The following TDRD3 variants were observed in gnomAD, a reference collection of about 807,000 sequenced individuals.
TDRD3 encodes the protein tudor domain-containing protein 3.
Under a neutral mutation model 86.7 loss-of-function variants are expected in TDRD3, and 45 were observed. The ratio of observed to expected loss-of-function variants is 0.52; its 90% CI spans 0.41 to 0.67. The LOEUF is 0.67. Ranked by LOEUF, TDRD3 falls within the 30% of genes least tolerant of loss-of-function variation. The pLI is 0.00. For synonymous variants in TDRD3, 298 were observed against 301.7 expected (o/e 0.99, Z 0.13); for missense variants, 814 against 889.0 (o/e 0.92, Z 1.07).
At chr13:60,400,227 C>T (rs1317743980) in intron 1 of TDRD3, among the ~76,000 whole-genome samples, 1 of 152,200 alleles carries the variant, frequency 6.6e-6, no homozygotes, top group Non-Finnish European at 1.5e-5. Flanking sequence ...CAATTTTACT[C>T]ACTCTGCATT....
chr13:60,463,378 A>C (rs1489952794), intron 4 of TDRD3, among the ~76,000 whole-genome samples: 2 of 151,652 alleles, frequency 1.3e-5, no homozygotes, highest in African/African-American at 2.4e-5. Context: ...AAAAAAAAAA[A>C]AAAAGATAAG....
At chr13:60,433,410 T>A (rs896238933) in intron 1 of TDRD3, among the ~76,000 whole-genome samples, 3 of 152,210 alleles carry the variant, frequency 2.0e-5, no homozygotes, top group African/African-American at 7.2e-5. Flanking sequence ...TACTTTTTAG[T>A]GTGATGTAAA....
chr13:60,454,279 G>C (rs560586935), intron 3 of TDRD3, among the ~76,000 whole-genome samples: 21 of 152,198 alleles, frequency 1.4e-4, no homozygotes, highest in African/African-American at 4.8e-4. Context: ...GAAGATACTT[G>C]TTCCTATTGG....
chr13:60,559,464 A>C (rs1023281967), intron 12 of TDRD3, among the ~76,000 whole-genome samples: 7 of 152,174 alleles, frequency 4.6e-5, no homozygotes, highest in African/African-American at 1.7e-4. Context: ...TGGGTTTCAG[A>C]GAGGTACACA....
chr13:60,486,207 C>CT (rs976019602), intron 7 of TDRD3, among the ~76,000 whole-genome samples: 8 of 151,824 alleles, frequency 5.3e-5, no homozygotes, highest in African/African-American at 7.2e-5. Flanking sequence ...TTTCTCCTTC[C>CT]TTTTTTTTAT....
intron 3 of TDRD3, among the ~76,000 whole-genome samples, chr13:60,448,189 T>G (rs1037016611): frequency 6.6e-6 from 1 of 152,086 alleles, no homozygotes; most frequent in African/African-American, 2.4e-5. Context: ...AATGGAGAGC[T>G]GATAGATCTG....
chr13:60,480,777 G>GC (rs1252732941), intron 5 of TDRD3, among the ~76,000 whole-genome samples: 1 of 152,066 alleles, frequency 6.6e-6, no homozygotes, highest in Non-Finnish European at 1.5e-5. Context: ...AGTGAGGAGG[G>GC]CCCCACAGGC....
At position 60,496,839 on chromosome 13, in the gene TDRD3, C is replaced by T. The variant is rs1956729687; in HGVS notation, c.858+2264C>T. Among the ~76,000 whole-genome samples, 3 of 152,120 alleles carry T rather than the reference C, an allele frequency of 2.0e-5. No individual in the cohort carries two copies. In the South Asian group the frequency reaches 6.2e-4, roughly 32 times the overall value. On this transcript the variant is annotated intron_variant, in intron 8 of 13. Transcript: ENST00000377881. Reference sequence around the variant, plus strand: ...CTGGAGGGTCCTTGTTCTTAGAGCTCCCAAGATGGTGGTGGGCTGCTTCCA... The same window carrying T: ...CTGGAGGGTCCTTGTTCTTAGAGCTTCCAAGATGGTGGTGGGCTGCTTCCA...
At chr13:60,447,724 T>C (rs1330300676) in intron 3 of TDRD3, among the ~76,000 whole-genome samples, 1 of 152,150 alleles carries the variant, frequency 6.6e-6, no homozygotes, top group East Asian at 1.9e-4. Context: ...ACCCCTTCTC[T>C]GACTGTTTCT....
intron 1 of TDRD3, among the ~76,000 whole-genome samples, chr13:60,422,496 G>T (rs759563495): frequency 1.2e-4 from 18 of 152,016 alleles, no homozygotes; most frequent in Non-Finnish European, 1.9e-4. Context: ...TACTCCAACA[G>T]AATTAAATTT....
chr13:60,564,268 C>T (rs537721364), intron 12 of TDRD3, among the ~76,000 whole-genome samples: 2 of 152,090 alleles, frequency 1.3e-5, no homozygotes, highest in Non-Finnish European at 2.9e-5. Flanking sequence ...CCAAGGTGGT[C>T]GGGATGCACC....
chr13:60,563,491 G>A (rs531581970), intron 12 of TDRD3, among the ~76,000 whole-genome samples: 3 of 152,212 alleles, frequency 2.0e-5, no homozygotes, highest in East Asian at 1.9e-4. Context: ...CTAGCCTAGG[G>A]TTTCTCAACT....
chr13:60,409,138 TG>T (rs1197529319), intron 1 of TDRD3, among the ~76,000 whole-genome samples: 2 of 152,336 alleles, frequency 1.3e-5, no homozygotes, highest in African/African-American at 4.8e-5. Context: ...GTTGAGCCTG[TG>T]GGGGCACAAA....
At chr13:60,542,359 T>TA (rs1957836869) in intron 12 of TDRD3, among the ~76,000 whole-genome samples, 1 of 152,164 alleles carries the variant, frequency 6.6e-6, no homozygotes, top group South Asian at 2.1e-4. Context: ...TCAGAGATGT[T>TA]AGTCTTCTAT....
intron 5 of TDRD3, among the ~76,000 whole-genome samples, chr13:60,474,376 C>G (rs763295450): frequency 6.6e-6 from 1 of 152,196 alleles, no homozygotes; most frequent in South Asian, 2.1e-4. Context: ...TAGTGGCCCC[C>G]CCCGGGCCCA....
At chr13:60,509,316 A>C (rs950743031) in intron 8 of TDRD3, among the ~76,000 whole-genome samples, 1 of 152,162 alleles carries the variant, frequency 6.6e-6, no homozygotes, top group Non-Finnish European at 1.5e-5. Context: ...AGTTTAAAAA[A>C]AAAAGCTCCT....
chr13:60,420,812 C>T (rs775087456), intron 1 of TDRD3, among the ~76,000 whole-genome samples: 11 of 151,926 alleles, frequency 7.2e-5, no homozygotes, highest in Non-Finnish European at 1.0e-4. Context: ...GGCGTGATGG[C>T]GGGCGCCTGT....
intron 4 of TDRD3, among the ~76,000 whole-genome samples, chr13:60,465,568 G>A (rs376628146): frequency 4.6e-5 from 7 of 152,206 alleles, no homozygotes; most frequent in African/African-American, 1.7e-4. Flanking sequence ...TAGCATTGGT[G>A]TATAAAAATT....
At chr13:60,573,442 T>G (rs1322252739) in intron 13 of TDRD3, among the ~76,000 whole-genome samples, 174 bp from the exon 14 acceptor site, 1 of 152,258 alleles carries the variant, frequency 6.6e-6, no homozygotes, top group African/African-American at 2.4e-5. Context: ...TTTTCTTTCA[T>G]ATTGCTTTAT....
Sources: allele counts gnomAD v4.1 joint callset (sites outside exome capture counted in the v4.1 genomes callset), GRCh38; gene constraint gnomAD v4.1.1; transcripts MANE v1.5; gene names NCBI Gene and HGNC (gene_info 2026-07-23, HGNC 2026-07-21).